The following NT5E variants were observed in gnomAD, a reference collection of about 807,000 sequenced individuals.
NT5E encodes 5'-nucleotidase.
Under a neutral mutation model 55.1 loss-of-function variants are expected in NT5E, and 53 were observed. The observed-to-expected ratio is 0.96, with a 90% CI of 0.77 to 1.21. The LOEUF is 1.21. Among genes scored for constraint, NT5E ranks in the 50% most tolerant of loss-of-function variants. The pLI is 0.00. For synonymous variants in NT5E, 270 were observed against 278.4 expected (o/e 0.97, Z 0.30); for missense variants, 683 against 724.3 (o/e 0.94, Z 0.65).
chr6:85,479,552 A>C (rs562856933), intron 3 of NT5E, among the ~76,000 whole-genome samples: 2 of 152,298 alleles, frequency 1.3e-5, no homozygotes, highest in African/African-American at 4.8e-5. Context: ...CAGACCACTC[A>C]CCAACTACAC....
At chr6:85,465,824 T>C (rs562265047) in intron 1 of NT5E, among the ~76,000 whole-genome samples, 2 of 152,174 alleles carry the variant, frequency 1.3e-5, no homozygotes, top group East Asian at 1.9e-4. Flanking sequence ...CCTGCTAACA[T>C]GCCATTACAG....
intron 1 of NT5E, among the ~76,000 whole-genome samples, chr6:85,461,606 CA>C (rs1247775721): frequency 1.3e-5 from 2 of 152,210 alleles, no homozygotes; most frequent in Non-Finnish European, 2.9e-5. Context: ...ACTGGTACAG[CA>C]TTGTTGGTTA....
chr6:85,457,454 A>G (rs1239665134), intron 1 of NT5E, among the ~76,000 whole-genome samples: 2 of 152,154 alleles, frequency 1.3e-5, no homozygotes, highest in Non-Finnish European at 2.9e-5. Context: ...TAATCTGCCT[A>G]CATCACTTGG....
intron 5 of NT5E, among the ~76,000 whole-genome samples, chr6:85,488,555 T>TTTTATTTA (rs780089112): frequency 9.2e-5 from 14 of 152,040 alleles, no homozygotes; most frequent in African/African-American, 3.1e-4. Context: ...AGCTTTTGCT[T>TTTTATTTA]TTTATTTATT....
chr6:85,458,025 G>A lies in NT5E; in HGVS notation c.339+7547G>A, dbSNP rs942727613. ...GACCCTCATATTTAGCATCTAAGCC[G>A]AAATCAGCAGTAAGCATGTTTCTTC... On this transcript the variant is annotated intron_variant, in intron 1 of 8. Coordinates refer to ENST00000257770, the MANE Select transcript of NT5E (RefSeq NM_002526.4). Among the ~76,000 whole-genome samples the A allele has an allele frequency of 1.3e-4, 20 of 152,284 alleles. No homozygotes were observed. The South Asian group carries it at 2.9e-3, about 22-fold the overall frequency.
rs756255437 is a variant in NT5E at position 85,450,336 on chromosome 6, C to T, written c.197C>T (p.Thr66Ile). Residue 66 changes from threonine (T) to isoleucine (I), a missense_variant, in exon 1 of 9, where the codon ACC (threonine) becomes ATC (isoleucine). Transcript: ENST00000257770. This position sits in a 1 kb window ranked among gnomAD's most constrained non-coding sequence, Gnocchi z 4.0. ...RCMGGVARLF[T>I]KVQQIRRAEP... ...ATGGGTGGCGTGGCTCGGCTCTTCA[C>T]CAAGGTTCAGCAGATCCGCCGCGCC... The T allele has an allele frequency of 6.3e-6, 10 of 1,597,718 alleles. No individual in the cohort carries two copies. In the South Asian group the frequency reaches 1.1e-4, roughly 18 times the overall value.
intron 1 of NT5E, among the ~76,000 whole-genome samples, chr6:85,458,555 G>T (rs1286037992): frequency 1.3e-5 from 2 of 152,196 alleles, no homozygotes; most frequent in Non-Finnish European, 2.9e-5. Flanking sequence ...GCGGCTTTCT[G>T]CACATCACTC....
chr6:85,477,585 T>C (rs1265989499), intron 3 of NT5E, among the ~76,000 whole-genome samples: 1 of 152,160 alleles, frequency 6.6e-6, no homozygotes, highest in East Asian at 1.9e-4. Flanking sequence ...CCTGCTGTAA[T>C]AGGAATAAGT....
chr6:85,460,397 C>T (rs1296343047), intron 1 of NT5E, among the ~76,000 whole-genome samples: 2 of 152,142 alleles, frequency 1.3e-5, no homozygotes, highest in Admixed American at 1.3e-4. Context: ...ATTTTCCATC[C>T]TGTACTAATA....
chr6:85,463,024 A>C (rs1173833528), intron 1 of NT5E, among the ~76,000 whole-genome samples: 1 of 152,130 alleles, frequency 6.6e-6, no homozygotes, highest in Non-Finnish European at 1.5e-5. Flanking sequence ...AGAGTTTGTT[A>C]ATTGTTCTGT....
At chr6:85,458,634 C>T (rs1458123160) in intron 1 of NT5E, among the ~76,000 whole-genome samples, 1 of 152,208 alleles carries the variant, frequency 6.6e-6, no homozygotes, top group Non-Finnish European at 1.5e-5. Flanking sequence ...GGAATTTGAA[C>T]ATTCTTTTGA....
At chr6:85,455,393 G>A (rs576133796) in intron 1 of NT5E, among the ~76,000 whole-genome samples, 1 of 152,294 alleles carries the variant, frequency 6.6e-6, no homozygotes, top group East Asian at 1.9e-4. Context: ...GGAAAGGAGG[G>A]TGGGACTGGA....
intron 1 of NT5E, among the ~76,000 whole-genome samples, chr6:85,458,889 G>A (rs1482071679): frequency 6.6e-6 from 1 of 152,166 alleles, no homozygotes; most frequent in East Asian, 1.9e-4. Flanking sequence ...ACCAAACCCA[G>A]TTGCAGCTGG....
At position 85,453,039 on chromosome 6, in the gene NT5E, C is replaced by G. The variant is rs538786441; in HGVS notation, c.339+2561C>G. ...GAACTTCCAAGGAGGTGTACACTTT[C>G]TAGACCTACTGGAGTAATCCTGATT... is the stretch of plus-strand genomic sequence containing the variant. On this transcript the variant is annotated intron_variant, in intron 1 of 8. Transcript: ENST00000257770. 8.5e-5 allele frequency among the ~76,000 whole-genome samples: 13 copies of G among 152,286 alleles called. No homozygotes were observed. In the South Asian group the frequency reaches 2.3e-3, roughly 27 times the overall value.
chr6:85,478,838 G>A (rs1459873915), intron 3 of NT5E, among the ~76,000 whole-genome samples: 1 of 151,618 alleles, frequency 6.6e-6, no homozygotes, highest in Non-Finnish European at 1.5e-5. Flanking sequence ...TATATATATA[G>A]TATTGAGAGA....
intron 3 of NT5E, among the ~76,000 whole-genome samples, chr6:85,472,399 C>CTAGTACT (rs1358238776): frequency 1.3e-5 from 2 of 152,152 alleles, no homozygotes; most frequent in Admixed American, 6.6e-5. Context: ...TATTTTCTTT[C>CTAGTACT]TAGTACTTTG....
chr6:85,493,827 A>G lies in NT5E; in HGVS notation c.1562-14A>G, dbSNP rs1769835799. 5.0e-6 allele frequency: 8 copies of G among 1,601,230 alleles called. No homozygotes were observed. Among genetic ancestry groups the G allele is most frequent in the South Asian group, 3.3e-5 (3 of 90,750 alleles). Reference sequence around the variant, plus strand: ...ACCTTTTCTGTAGTTAAAATAATGTATATGTTTTTCTAGGTGACCAAGATA... The same window carrying G: ...ACCTTTTCTGTAGTTAAAATAATGTGTATGTTTTTCTAGGTGACCAAGATA... On this transcript the variant is annotated splice_polypyrimidine_tract_variant and intron_variant, in intron 8 of 8. Coordinates refer to ENST00000257770, the MANE Select transcript of NT5E (RefSeq NM_002526.4).
intron 3 of NT5E, among the ~76,000 whole-genome samples, chr6:85,476,552 G>C (rs925214641): frequency 6.6e-6 from 1 of 152,208 alleles, no homozygotes; most frequent in Non-Finnish European, 1.5e-5. Flanking sequence ...TCCATGGACA[G>C]CTTAAGTGTT....
At chr6:85,461,554 T>G (rs967884661) in intron 1 of NT5E, among the ~76,000 whole-genome samples, 1 of 152,182 alleles carries the variant, frequency 6.6e-6, no homozygotes, top group Non-Finnish European at 1.5e-5. Context: ...TCCAGATATA[T>G]AAAGCTGTGA....
Sources: allele counts gnomAD v4.1 joint callset (sites outside exome capture counted in the v4.1 genomes callset), GRCh38; gene constraint gnomAD v4.1.1; non-coding constraint Gnocchi (gnomAD v3.1); transcripts MANE v1.5; gene names NCBI Gene and HGNC (gene_info 2026-07-23, HGNC 2026-07-21).